COBL: variants seen among roughly 807,000 people sequenced by gnomAD.
The protein encoded by COBL is protein cordon-bleu.
A neutral mutation model predicts 98.8 loss-of-function variants in COBL; 51 were observed. That is an observed-to-expected ratio of 0.52 (90% CI 0.41 to 0.65). COBL has a LOEUF of 0.65. Among genes scored for constraint, COBL ranks in the 30% least tolerant of loss-of-function variants. The pLI is 0.00. For missense variants in COBL, 1,617 were observed against 1,617.5 expected, an observed-to-expected ratio of 1.00 and a Z score of 0.01; for synonymous variants, 634 against 651.7, an observed-to-expected ratio of 0.97 and a Z score of 0.41.
At chr7:51,093,717 C>A (rs1795019234) in intron 6 of COBL, among the ~76,000 whole-genome samples, 1 of 151,896 alleles carries the variant, frequency 6.6e-6, no homozygotes, top group African/African-American at 2.4e-5. Context: ...ACTGCAAGAC[C>A]CTGTCACTAC....
intron 7 of COBL, chr7:51,064,970 C>G: frequency 1.7e-6 from 1 of 599,316 alleles, no homozygotes; most frequent in Non-Finnish European, 3.0e-6. Context: ...TCTCTATTAG[C>G]TGGGAGAAAC....
rs561128813 is a variant in COBL at position 51,304,105 on chromosome 7, G to A, written c.41+12488C>T. 3.3e-5 allele frequency among the ~76,000 whole-genome samples: 5 copies of A among 152,276 alleles called. 1 individual carries two copies. The highest frequency in any genetic ancestry group is 4.8e-5 in the African/African-American group (2 of 41,566). ...GACCAGAATCCAGTCCCATGTTGTCGCCAGCACCAAGGTCAGCTTGGAAAG... is the reference window on the plus strand; with the variant it reads ...GACCAGAATCCAGTCCCATGTTGTCACCAGCACCAAGGTCAGCTTGGAAAG... On this transcript the variant is annotated intron_variant, in intron 1 of 12. Coordinates refer to ENST00000265136, the MANE Select transcript of COBL (RefSeq NM_015198.5).
intron 1 of COBL, among the ~76,000 whole-genome samples, chr7:51,300,063 C>A (rs912757250): frequency 5.9e-5 from 9 of 152,206 alleles, no homozygotes; most frequent in Admixed American, 5.9e-4. Context: ...TCTATTGCCG[C>A]TGTGCCTTCC....
At chr7:51,113,951 G>A (rs957638123) in intron 6 of COBL, among the ~76,000 whole-genome samples, 4 of 152,184 alleles carry the variant, frequency 2.6e-5, no homozygotes, top group African/African-American at 9.7e-5. Context: ...TATAGTTACA[G>A]GCCAAATGGT....
chr7:51,111,032 T>C (rs1458351484), intron 6 of COBL, among the ~76,000 whole-genome samples: 1 of 152,250 alleles, frequency 6.6e-6, no homozygotes. Context: ...TAATGACTTC[T>C]TTTCCTCTGG....
intron 7 of COBL, among the ~76,000 whole-genome samples, chr7:51,070,392 A>AACACACACACACACAGACACACACACAC (rs1792404553): frequency 7.2e-6 from 1 of 138,930 alleles, no homozygotes; most frequent in Non-Finnish European, 1.6e-5. Flanking sequence ...AAACAGTTAA[A>AACACACACACACACAGACACACACACAC]ACACACACAC....
At chr7:51,231,230 C>G (rs771773873) in intron 1 of COBL, among the ~76,000 whole-genome samples, 8 of 152,198 alleles carry the variant, frequency 5.3e-5, no homozygotes, top group Non-Finnish European at 1.2e-4. Flanking sequence ...AGTGTGGAAT[C>G]AAACCCTTCT....
intron 5 of COBL, among the ~76,000 whole-genome samples, chr7:51,142,972 G>A (rs1282083455): frequency 2.6e-5 from 4 of 152,154 alleles, no homozygotes; most frequent in Admixed American, 2.6e-4. Context: ...AGCCAAGCCA[G>A]GGGGAGGGAG....
chr7:51,180,492 A>G (rs1400738209), intron 5 of COBL, among the ~76,000 whole-genome samples: 1 of 152,200 alleles, frequency 6.6e-6, no homozygotes, highest in East Asian at 1.9e-4. Context: ...AGATTCCTTA[A>G]CCAAAAAGTT....
At chr7:51,076,836 T>C (rs1379854146) in intron 7 of COBL, among the ~76,000 whole-genome samples, 1 of 152,054 alleles carries the variant, frequency 6.6e-6, no homozygotes, top group Non-Finnish European at 1.5e-5. Context: ...TGTAGAAAAA[T>C]GTGTAAGAAA....
intron 5 of COBL, among the ~76,000 whole-genome samples, chr7:51,152,998 T>C (rs1349842612): frequency 6.6e-6 from 1 of 152,224 alleles, no homozygotes; most frequent in Non-Finnish European, 1.5e-5. Context: ...TTTTCATTTT[T>C]ACATATGGCT....
rs374259404 is a variant in COBL at position 51,043,655 on chromosome 7, C to T, written c.1134G>A (p.Pro378=). The change falls in exon 8 of 13, where the codon CCG becomes CCA. Residue 378 remains proline (P), a synonymous_variant. Coordinates refer to ENST00000265136, the MANE Select transcript of COBL (RefSeq NM_015198.5). ...CTGACAGCACCTGCGGGGCTCCATC[C>T]GGGCTGCAGTGGCTGCCAGACCCCA... is the stretch of plus-strand genomic sequence containing the variant. ...LPLGSGSHCS[P]DGAPQVLSEA... 7.5e-5 allele frequency: 121 copies of T among 1,614,110 alleles called. No homozygotes were observed. Among genetic ancestry groups the T allele is most frequent in the East Asian group, 4.0e-4 (18 of 44,882 alleles).
chr7:51,022,974 GA>G (rs1229174680), intron 12 of COBL: 1 of 152,192 alleles, frequency 6.6e-6, no homozygotes, highest in East Asian at 1.9e-4. Context: ...CCTACATTGA[GA>G]AACAGCTTTA....
In COBL at chr7:51,200,745, G is replaced by A. The variant is rs530705163; in HGVS notation, c.246-7156C>T. Among the ~76,000 whole-genome samples the A allele has an allele frequency of 1.5e-3, 232 of 152,178 alleles. 1 individual carries two copies. The highest frequency in any genetic ancestry group is 3.7e-3 in the African/African-American group (155 of 41,514). On this transcript the variant is annotated intron_variant, in intron 2 of 12. Transcript: ENST00000265136. ...ACTATAATAAAGGTAGAAAACAAAT[G>A]ACAAAATGGCAAGAGTAAGTCCTTA... is the stretch of plus-strand genomic sequence containing the variant.
At chr7:51,163,906 G>A (rs2129037128) in intron 5 of COBL, among the ~76,000 whole-genome samples, 1 of 152,216 alleles carries the variant, frequency 6.6e-6, no homozygotes, top group East Asian at 1.9e-4. Flanking sequence ...GTGTAATTTG[G>A]CTAGATACTG....
chr7:51,030,182 T>C (rs1474118341), intron 9 of COBL, among the ~76,000 whole-genome samples: 1 of 152,238 alleles, frequency 6.6e-6, no homozygotes, highest in Non-Finnish European at 1.5e-5. Flanking sequence ...AGACAAAAAC[T>C]ACTCGTCAGT....
chr7:51,218,178 A>G (rs1039064178), intron 2 of COBL, among the ~76,000 whole-genome samples: 3 of 152,224 alleles, frequency 2.0e-5, no homozygotes, highest in East Asian at 1.9e-4. Context: ...AATGCTCCCC[A>G]AATTTTTATT....
chr7:51,268,665 C>A (rs1162676463), intron 1 of COBL, among the ~76,000 whole-genome samples: 3 of 152,088 alleles, frequency 2.0e-5, no homozygotes, highest in African/African-American at 7.2e-5. Flanking sequence ...GGCACGGTGG[C>A]TCATGCCCAT....
intron 1 of COBL, among the ~76,000 whole-genome samples, chr7:51,298,247 CAT>C (rs1186974592): frequency 6.6e-6 from 1 of 152,224 alleles, no homozygotes; most frequent in African/African-American, 2.4e-5. Flanking sequence ...TGACTCTAAG[CAT>C]AGTTACAACC....
Sources: gnomAD v4.1 joint callset for allele counts (sites outside exome capture counted in the v4.1 genomes callset) on GRCh38, gnomAD v4.1.1 for gene constraint, MANE v1.5 for transcripts, NCBI Gene and HGNC (gene_info 2026-07-23, HGNC 2026-07-21) for gene names.